PGCKA1: variants seen among roughly 807,000 people sequenced by gnomAD.
PGCKA1 encodes PDCD10 and GCKIII kinases-associated protein 1.
chr4:37,525,189 T>C, the PGCKA1 span, among the ~76,000 whole-genome samples: 1 of 152,178 alleles, frequency 6.6e-6, no homozygotes, highest in Admixed American at 6.5e-5. Context: ...ACCTGGGCTA[T>C]GTACATAATT....
the PGCKA1 span, among the ~76,000 whole-genome samples, chr4:37,507,122 T>G: frequency 6.6e-6 from 1 of 152,154 alleles, no homozygotes; most frequent in African/African-American, 2.4e-5. Flanking sequence ...TTTGTTTCCA[T>G]TAACATGAAA....
the PGCKA1 span, among the ~76,000 whole-genome samples, chr4:37,489,637 T>C: frequency 2.0e-5 from 3 of 152,178 alleles, no homozygotes; most frequent in East Asian, 1.9e-4. Flanking sequence ...CTGCAACTTA[T>C]GTAAGGAGCA....
At chr4:37,537,565 C>A in the PGCKA1 span, among the ~76,000 whole-genome samples, 2 of 152,156 alleles carry the variant, frequency 1.3e-5, no homozygotes, top group African/African-American at 4.8e-5. Context: ...TTTAAAGATA[C>A]ATGAAGAACA....
At chr4:37,581,895 G>A in the PGCKA1 span, among the ~76,000 whole-genome samples, 1,215 of 152,180 alleles carry the variant, frequency 8.0e-3, 22 homozygotes, top group African/African-American at 0.027. This position sits in a 1 kb window ranked among gnomAD's most constrained non-coding sequence, Gnocchi z 4.4. Context: ...ATGGTGGTGC[G>A]GCTTGCCAAA....
the PGCKA1 span, among the ~76,000 whole-genome samples, chr4:37,459,804 T>C: frequency 4.0e-5 from 6 of 150,490 alleles, no homozygotes; most frequent in South Asian, 4.2e-4. Context: ...TCTTTCTTTT[T>C]TTTTTTTTTT....
At chr4:37,584,773 T>G in the PGCKA1 span, among the ~76,000 whole-genome samples, 2 of 152,098 alleles carry the variant, frequency 1.3e-5, no homozygotes, top group Non-Finnish European at 2.9e-5. Flanking sequence ...TCACTCTGGA[T>G]GTGCCTGCCT....
the PGCKA1 span, among the ~76,000 whole-genome samples, chr4:37,499,256 GTT>G: frequency 6.6e-6 from 1 of 152,134 alleles, no homozygotes; most frequent in Admixed American, 6.5e-5. Context: ...TTACACCAGT[GTT>G]TACCAAAGAT....
At chr4:37,474,738 T>C in the PGCKA1 span, among the ~76,000 whole-genome samples, 35 of 152,178 alleles carry the variant, frequency 2.3e-4, no homozygotes, top group Admixed American at 3.3e-4. Context: ...ATGATGAAGC[T>C]AGTAAGTGAC....
At chr4:37,517,470 C>A in the PGCKA1 span, among the ~76,000 whole-genome samples, 1 of 151,876 alleles carries the variant, frequency 6.6e-6, no homozygotes, top group African/African-American at 2.4e-5. Flanking sequence ...TTTTCTAATT[C>A]TTCTGCAATT....
the PGCKA1 span, among the ~76,000 whole-genome samples, chr4:37,568,422 G>A: frequency 6.6e-6 from 1 of 152,334 alleles, no homozygotes; most frequent in East Asian, 1.9e-4. Context: ...CAGTGGAGAA[G>A]GGGGGTCACT....
At chr4:37,502,955 TAA>T in the PGCKA1 span, among the ~76,000 whole-genome samples, 8 of 152,204 alleles carry the variant, frequency 5.3e-5, no homozygotes, top group Non-Finnish European at 8.8e-5. Flanking sequence ...AAGACCACCC[TAA>T]AGAGTTCAGG....
At chr4:37,495,347 C>T in the PGCKA1 span, among the ~76,000 whole-genome samples, 1 of 152,006 alleles carries the variant, frequency 6.6e-6, no homozygotes, top group African/African-American at 2.4e-5. Flanking sequence ...GATCTAGAAC[C>T]AGAAATAGCA....
At chr4:37,507,484 C>T in the PGCKA1 span, among the ~76,000 whole-genome samples, 1 of 152,064 alleles carries the variant, frequency 6.6e-6, no homozygotes, top group African/African-American at 2.4e-5. Context: ...TTTGCAAATA[C>T]TGTCTTATAA....
At chr4:37,465,676 A>T in the PGCKA1 span, among the ~76,000 whole-genome samples, 1 of 151,040 alleles carries the variant, frequency 6.6e-6, no homozygotes, top group Admixed American at 6.6e-5. Context: ...GATGTTAAAA[A>T]CTCCAGAATT....
chr4:37,583,722 A>T, the PGCKA1 span, among the ~76,000 whole-genome samples: 1 of 152,178 alleles, frequency 6.6e-6, no homozygotes, highest in Non-Finnish European at 1.5e-5. Context: ...CCCCCAACAC[A>T]GGGCTGCAGA....
At chr4:37,556,127 G>T in the PGCKA1 span, among the ~76,000 whole-genome samples, 2 of 152,164 alleles carry the variant, frequency 1.3e-5, no homozygotes, top group Non-Finnish European at 2.9e-5. Flanking sequence ...TAGGAATTCA[G>T]AATTCTTTGT....
the PGCKA1 span, among the ~76,000 whole-genome samples, chr4:37,580,633 A>T: frequency 6.6e-6 from 1 of 152,216 alleles, no homozygotes; most frequent in Non-Finnish European, 1.5e-5. Context: ...GTACTGAGCC[A>T]CCTGAAGCTG....
chr4:37,553,487 A>G, the PGCKA1 span, among the ~76,000 whole-genome samples: 3 of 152,226 alleles, frequency 2.0e-5, no homozygotes, highest in Non-Finnish European at 4.4e-5. Context: ...ATTTTTGCAT[A>G]ATATATTGCT....
At chr4:37,548,109 C>A in the PGCKA1 span, among the ~76,000 whole-genome samples, 27,932 of 150,962 alleles carry the variant, frequency 0.19, 2,885 homozygotes, top group East Asian at 0.43. Context: ...AAAGAAAAAA[C>A]TACTTGTAAT....
Sources: allele counts gnomAD v4.1 joint callset (sites outside exome capture counted in the v4.1 genomes callset), GRCh38; gene constraint gnomAD v4.1.1; non-coding constraint Gnocchi (gnomAD v3.1); transcripts MANE v1.5; gene names NCBI Gene and HGNC (gene_info 2026-07-23, HGNC 2026-07-21).